Variants in GRIP1 observed in about 807,000 individuals in gnomAD.
GRIP1 encodes glutamate receptor interacting protein 1, also known as glutamate receptor-interacting protein 1.
Under a neutral mutation model 129.9 loss-of-function variants are expected in GRIP1, and 45 were observed. The ratio of observed to expected loss-of-function variants is 0.35; its 90% CI spans 0.27 to 0.44. GRIP1 has a LOEUF of 0.44. Among genes scored for constraint, GRIP1 ranks in the 20% least tolerant of loss-of-function variants. The pLI, the probability that GRIP1 is intolerant of heterozygous loss-of-function variation, is 1.00. For missense variants in GRIP1, 1,196 were observed against 1,396.8 expected, an observed-to-expected ratio of 0.86 and a Z score of 2.29; for synonymous variants, 530 against 520.8, an observed-to-expected ratio of 1.02 and a Z score of -0.24.
intron 2 of GRIP1, among the ~76,000 whole-genome samples, chr12:66,556,695 G>C (rs1475969882): frequency 1.3e-5 from 2 of 151,642 alleles, no homozygotes; most frequent in Admixed American, 6.6e-5. Flanking sequence ...TTGAAGTGTA[G>C]AGTTTTTGTT....
intron 2 of GRIP1, among the ~76,000 whole-genome samples, chr12:66,582,842 T>G (rs1324449300): frequency 6.9e-6 from 1 of 145,010 alleles, no homozygotes; most frequent in Non-Finnish European, 1.5e-5. Flanking sequence ...CAAGGTAATT[T>G]ATAGATTCAA....
chr12:66,839,193 C>T (rs1260437058), intron 1 of GRIP1, among the ~76,000 whole-genome samples: 3 of 152,038 alleles, frequency 2.0e-5, no homozygotes, highest in African/African-American at 7.2e-5. Context: ...ATTTATTGAA[C>T]AGAAAAACAT....
At chr12:66,737,594 CCTT>C (rs1416876960) in intron 1 of GRIP1, among the ~76,000 whole-genome samples, 6 of 152,132 alleles carry the variant, frequency 3.9e-5, no homozygotes, top group Non-Finnish European at 8.8e-5. Context: ...TCTCATTACT[CCTT>C]ATCTCTCCAG....
intron 1 of GRIP1, among the ~76,000 whole-genome samples, chr12:66,795,187 G>T (rs1226035012): frequency 6.6e-6 from 1 of 152,184 alleles, no homozygotes; most frequent in African/African-American, 2.4e-5. Flanking sequence ...GTAATCATTT[G>T]TAAAACTTTC....
chr12:66,902,060 G>A (rs1408294796), intron 1 of GRIP1, among the ~76,000 whole-genome samples: 1 of 152,172 alleles, frequency 6.6e-6, no homozygotes, highest in Non-Finnish European at 1.5e-5. Context: ...CTGGGCAAGG[G>A]TAACACTGGG....
At chr12:66,362,145 T>C in intron 23 of GRIP1, among the ~76,000 whole-genome samples, 1 of 48,018 alleles carries the variant, frequency 2.1e-5, no homozygotes, top group East Asian at 9.5e-4. Context: ...ATTTAATCTT[T>C]TTTTTTTTTT....
At chr12:66,601,431 T>C (rs1432970148) in intron 1 of GRIP1, among the ~76,000 whole-genome samples, 3 of 152,196 alleles carry the variant, frequency 2.0e-5, no homozygotes, top group African/African-American at 7.2e-5. Context: ...ATCAGGCTGG[T>C]TCCTGTTTCT....
intron 1 of GRIP1, among the ~76,000 whole-genome samples, chr12:66,765,377 C>G (rs1210986567): frequency 6.6e-6 from 1 of 152,242 alleles, no homozygotes; most frequent in Non-Finnish European, 1.5e-5. Context: ...CATCTTCCTT[C>G]ACACTCATGA....
At chr12:66,673,264 A>G (rs1440317712) in intron 1 of GRIP1, among the ~76,000 whole-genome samples, 1 of 152,216 alleles carries the variant, frequency 6.6e-6, no homozygotes, top group Non-Finnish European at 1.5e-5. Flanking sequence ...TAGTACATGT[A>G]AAATGTTTAG....
At chr12:66,530,902 C>T (rs1236066505) in intron 4 of GRIP1, among the ~76,000 whole-genome samples, 1 of 151,670 alleles carries the variant, frequency 6.6e-6, no homozygotes. Context: ...TACATTGCTA[C>T]TAGATCCTGA....
chr12:66,601,942 T>A (rs532090188), intron 1 of GRIP1, among the ~76,000 whole-genome samples: 6 of 152,158 alleles, frequency 3.9e-5, no homozygotes, highest in Non-Finnish European at 8.8e-5. Context: ...GCAGAATCAT[T>A]ACTACCTACA....
chr12:66,910,429 G>A (rs943448466), intron 1 of GRIP1, among the ~76,000 whole-genome samples: 13 of 152,178 alleles, frequency 8.5e-5, no homozygotes, highest in African/African-American at 2.2e-4. Flanking sequence ...ATCAGGGACC[G>A]AAGCCAGGAC....
At chr12:66,524,043 C>T (rs1466168696) in intron 5 of GRIP1, among the ~76,000 whole-genome samples, 1 of 152,114 alleles carries the variant, frequency 6.6e-6, no homozygotes, top group Non-Finnish European at 1.5e-5. Context: ...TCCTTAGTGA[C>T]CTACAAAGAG....
chr12:66,625,330 G>T (rs183120115), intron 1 of GRIP1, among the ~76,000 whole-genome samples: 1 of 151,968 alleles, frequency 6.6e-6, no homozygotes, highest in African/African-American at 2.4e-5. Flanking sequence ...CCTTGATCTG[G>T]GTTATGCATC....
At chr12:66,449,883 T>C (rs1478300347) in intron 11 of GRIP1, among the ~76,000 whole-genome samples, 1 of 152,202 alleles carries the variant, frequency 6.6e-6, no homozygotes, top group Admixed American at 6.5e-5. Context: ...TTGACTCTTT[T>C]ATAGGTTCAT....
intron 2 of GRIP1, among the ~76,000 whole-genome samples, chr12:66,560,763 C>A (rs1213516478): frequency 1.3e-5 from 2 of 152,090 alleles, no homozygotes; most frequent in African/African-American, 4.8e-5. Context: ...TTTGGCGGTT[C>A]CTCACAAAAC....
intron 4 of GRIP1, among the ~76,000 whole-genome samples, chr12:66,535,290 A>G (rs2061574110): frequency 6.6e-6 from 1 of 152,202 alleles, no homozygotes; most frequent in African/African-American, 2.4e-5. Context: ...AGCTCTAGAT[A>G]ACTGGTTTCT....
At chr12:67,058,188 G>A in intron 1 of GRIP1, among the ~76,000 whole-genome samples, 1 of 152,300 alleles carries the variant, frequency 6.6e-6, no homozygotes, top group Admixed American at 6.5e-5. Context: ...ACATTACTGT[G>A]TTATTCTCTA....
chr12:67,060,802 C>G (rs11176556), intron 1 of GRIP1, among the ~76,000 whole-genome samples: 15,865 of 127,504 alleles, frequency 0.12, 914 homozygotes, highest in Middle Eastern at 0.16. Flanking sequence ...CCAGCCTGGG[C>G]AACAAGAACG....
Sources: gnomAD v4.1 joint callset for allele counts (sites outside exome capture counted in the v4.1 genomes callset) on GRCh38, gnomAD v4.1.1 for gene constraint, MANE v1.5 for transcripts, NCBI Gene and HGNC (gene_info 2026-07-23, HGNC 2026-07-21) for gene names.